RBM47: variants seen among roughly 807,000 people sequenced by gnomAD.
The protein encoded by RBM47 is RNA-binding protein 47.
RBM47 carries 21 observed loss-of-function variants against 47.1 expected under a neutral mutation model. The observed-to-expected ratio is 0.45, with a 90% CI of 0.32 to 0.64. The LOEUF (loss-of-function observed/expected upper bound fraction) is 0.64. Among genes scored for constraint, RBM47 ranks in the 30% least tolerant of loss-of-function variants. The probability of loss-of-function intolerance (pLI) is 0.05; values close to 1 mark genes in which losing one functional copy is unlikely to be tolerated. For missense variants in RBM47, 708 were observed against 870.9 expected (o/e 0.81, Z 2.35); for synonymous variants, 375 against 361.7 (o/e 1.04, Z -0.42).
chr4:40,525,158 C>G (rs1047706008), intron 2 of RBM47, among the ~76,000 whole-genome samples: 56 of 152,128 alleles, frequency 3.7e-4, no homozygotes, highest in African/African-American at 1.3e-3. Context: ...ATAAACATGG[C>G]CAGGCATGAT....
In RBM47 at chr4:40,432,611, C is replaced by T. The variant is rs570958133; in HGVS notation, c.1542+40G>A. On this transcript the variant is annotated intron_variant, in intron 6 of 6. Coordinates refer to ENST00000295971, the MANE Select transcript of RBM47 (RefSeq NM_001098634.2). ...TAAATGAATCCATGTTAAAGAGAGG[C>T]TTCACACACAAATGACAATGCCTGC... is the stretch of plus-strand genomic sequence containing the variant. 10 of 1,608,960 alleles carry T rather than the reference C, an allele frequency of 6.2e-6. No homozygotes were observed. In the South Asian group the frequency reaches 8.8e-5, roughly 14 times the overall value.
chr4:40,597,368 A>G (rs1734852141), intron 1 of RBM47, among the ~76,000 whole-genome samples: 2 of 152,114 alleles, frequency 1.3e-5, no homozygotes, highest in South Asian at 2.1e-4. Context: ...GGCTGAGGGG[A>G]GCGGATCACT....
At chr4:40,562,717 C>T (rs1397857181) in intron 1 of RBM47, among the ~76,000 whole-genome samples, 1 of 152,158 alleles carries the variant, frequency 6.6e-6, no homozygotes, top group African/African-American at 2.4e-5. Context: ...CTGCCCACCT[C>T]GGCCTCCCAA....
intron 5 of RBM47, among the ~76,000 whole-genome samples, chr4:40,434,463 A>G (rs925860419): frequency 6.6e-6 from 1 of 152,032 alleles, no homozygotes; most frequent in Non-Finnish European, 1.5e-5. Flanking sequence ...ACACAACTTT[A>G]CATAGTTAAA....
chr4:40,554,544 T>G (rs950616155), intron 1 of RBM47, among the ~76,000 whole-genome samples: 21 of 151,974 alleles, frequency 1.4e-4, no homozygotes, highest in South Asian at 2.1e-4. Context: ...TCTCAGCACT[T>G]TATATATATA....
rs577937957 is a variant in RBM47, at chr4:40,588,753, T to A, written c.-240+40643A>T. ...TTAGAATGAAGACTCCAAAAAGAGA[T>A]CCTGAATTTACTGGCCCAAGGGAGG... On this transcript the variant is annotated intron_variant, in intron 1 of 6. Coordinates refer to ENST00000295971, the MANE Select transcript of RBM47 (RefSeq NM_001098634.2). Among the ~76,000 whole-genome samples the A allele has an allele frequency of 1.3e-3, 193 of 152,128 alleles. 1 individual carries two copies. The highest frequency in any genetic ancestry group is 3.3e-3 in the South Asian group (16 of 4,828).
chr4:40,534,670 C>G (rs1454054481), intron 2 of RBM47, among the ~76,000 whole-genome samples: 1 of 152,106 alleles, frequency 6.6e-6, no homozygotes, highest in Admixed American at 6.6e-5. Context: ...TGCGGTGGCT[C>G]ACGCCTGTAA....
At chr4:40,526,594 G>A (rs1726737023) in intron 2 of RBM47, among the ~76,000 whole-genome samples, 1 of 151,670 alleles carries the variant, frequency 6.6e-6, no homozygotes, top group Non-Finnish European at 1.5e-5. Context: ...TTGTTTTTGA[G>A]ACAGGATCTC....
At chr4:40,426,193 A>G (rs1455065625) in intron 6 of RBM47, 50 bp from the exon 7 acceptor site, 3 of 1,571,348 alleles carry the variant, frequency 1.9e-6, no homozygotes, top group Non-Finnish European at 2.6e-6. Flanking sequence ...GTATGTACCT[A>G]TCATCCATTC....
intron 3 of RBM47, among the ~76,000 whole-genome samples, chr4:40,452,902 G>A (rs898293476): frequency 4.9e-4 from 70 of 143,434 alleles, no homozygotes; most frequent in Middle Eastern, 3.7e-3. Context: ...GGAGTGCAGT[G>A]GCTTGATCTT....
intron 2 of RBM47, among the ~76,000 whole-genome samples, chr4:40,516,849 G>A (rs1175221543): frequency 6.6e-6 from 1 of 152,110 alleles, no homozygotes; most frequent in Non-Finnish European, 1.5e-5. Context: ...TTTCCTCTCA[G>A]ATCCCTCTCC....
intron 2 of RBM47, among the ~76,000 whole-genome samples, chr4:40,526,266 A>C (rs900206681): frequency 2.0e-5 from 3 of 152,196 alleles, no homozygotes; most frequent in Non-Finnish European, 4.4e-5. Context: ...TTCAATACAA[A>C]GCTGATCAAG....
chr4:40,612,192 G>A (rs1402691498), intron 1 of RBM47, among the ~76,000 whole-genome samples: 2 of 152,182 alleles, frequency 1.3e-5, no homozygotes, highest in African/African-American at 4.8e-5. Flanking sequence ...TGTGGATGTG[G>A]AGAATTAATG....
intron 1 of RBM47, among the ~76,000 whole-genome samples, chr4:40,600,910 G>A (rs1246591506): frequency 2.9e-5 from 4 of 140,204 alleles, no homozygotes; most frequent in African/African-American, 7.8e-5. Context: ...GCTTGAACCC[G>A]GGAGGCGGAG....
chr4:40,506,498 A>AC (rs1724116854), intron 2 of RBM47, among the ~76,000 whole-genome samples: 1 of 152,220 alleles, frequency 6.6e-6, no homozygotes, highest in South Asian at 2.1e-4. Flanking sequence ...TCTTTGTGGA[A>AC]AAGGTAAAAG....
intron 3 of RBM47, among the ~76,000 whole-genome samples, chr4:40,453,061 G>A (rs1715690801): frequency 6.6e-6 from 1 of 151,850 alleles, no homozygotes; most frequent in South Asian, 2.1e-4. Flanking sequence ...GGATGGTCTC[G>A]AGCTCCTGAC....
intron 1 of RBM47, among the ~76,000 whole-genome samples, chr4:40,583,850 T>G (rs1733253936): frequency 8.7e-6 from 1 of 114,526 alleles, no homozygotes; most frequent in African/African-American, 3.5e-5. Context: ...AGAGCGAGAC[T>G]CCGTCTCAAA....
intron 2 of RBM47, among the ~76,000 whole-genome samples, chr4:40,480,871 T>C (rs1007976179): frequency 2.0e-5 from 3 of 152,186 alleles, no homozygotes; most frequent in Non-Finnish European, 4.4e-5. Context: ...AGAATACATA[T>C]TGAATGCTGG....
chr4:40,626,028 C>T (rs1404879283), intron 1 of RBM47, among the ~76,000 whole-genome samples: 1 of 152,170 alleles, frequency 6.6e-6, no homozygotes, highest in Non-Finnish European at 1.5e-5. Flanking sequence ...ACCAAAAGAG[C>T]TACTATAGTC....
Sources: gnomAD v4.1 joint callset for allele counts (sites outside exome capture counted in the v4.1 genomes callset) on GRCh38, gnomAD v4.1.1 for gene constraint, MANE v1.5 for transcripts, NCBI Gene and HGNC (gene_info 2026-07-23, HGNC 2026-07-21) for gene names.